Variants in CCSER1 observed in about 807,000 individuals in gnomAD.
CCSER1 encodes the protein serine-rich coiled-coil domain-containing protein 1.
A neutral mutation model predicts 82.0 loss-of-function variants in CCSER1; 41 were observed. That is an observed-to-expected ratio of 0.50 (90% CI 0.39 to 0.65). The LOEUF is 0.65. Among genes scored for constraint, CCSER1 ranks in the 30% least tolerant of loss-of-function variants. The pLI is 0.00. For synonymous variants in CCSER1, 414 were observed against 383.9 expected (o/e 1.08, Z -0.92); for missense variants, 1,119 against 1,064.2 (o/e 1.05, Z -0.72).
chr4:90,371,961 AAAT>A (rs552679758), intron 3 of CCSER1, among the ~76,000 whole-genome samples: 3 of 152,212 alleles, frequency 2.0e-5, no homozygotes, highest in Non-Finnish European at 4.4e-5. Flanking sequence ...GAAAATATGA[AAAT>A]AAATTACAAA....
intron 6 of CCSER1, among the ~76,000 whole-genome samples, chr4:90,702,705 G>A (rs1417337210): frequency 1.3e-5 from 2 of 152,060 alleles, no homozygotes; most frequent in Non-Finnish European, 2.9e-5. Flanking sequence ...TCTTGGGAGG[G>A]TGTATGTGTC....
At position 90,654,931 on chromosome 4, in the gene CCSER1, T is replaced by C. The variant is rs191869468; in HGVS notation, c.1932+26699T>C. On this transcript the variant is annotated intron_variant, in intron 6 of 10. Coordinates refer to ENST00000509176, the MANE Select transcript of CCSER1 (RefSeq NM_001145065.2). ...TGATTATTGTCATCAGAAATTTTAA[T>C]TTCAGTAAAGAAAACAGTGCAGTTA... Among the ~76,000 whole-genome samples, 905 of 152,192 alleles carry C rather than the reference T, an allele frequency of 5.9e-3. 3 individuals carry two copies. Among genetic ancestry groups the C allele is most frequent in the Non-Finnish European group, 0.01 (703 of 67,942 alleles).
intron 5 of CCSER1, among the ~76,000 whole-genome samples, chr4:90,492,975 G>A (rs1768310242): frequency 6.6e-6 from 1 of 152,070 alleles, no homozygotes; most frequent in Non-Finnish European, 1.5e-5. Context: ...CGAGCTAAAG[G>A]AGGAAGTTCG....
chr4:91,572,814 A>T (rs999749119), intron 10 of CCSER1, among the ~76,000 whole-genome samples: 9 of 151,914 alleles, frequency 5.9e-5, no homozygotes, highest in Non-Finnish European at 1.5e-5. Flanking sequence ...ATCTATAAAA[A>T]AAAAAAAAAA....
intron 3 of CCSER1, among the ~76,000 whole-genome samples, chr4:90,374,400 C>T (rs544686540): frequency 6.6e-6 from 1 of 152,238 alleles, no homozygotes; most frequent in African/African-American, 2.4e-5. Context: ...AAATTCGCCT[C>T]CTTTTTTGGG....
chr4:90,784,589 C>G (rs1003335603), intron 7 of CCSER1, among the ~76,000 whole-genome samples: 2 of 152,120 alleles, frequency 1.3e-5, no homozygotes, highest in African/African-American at 2.4e-5. Context: ...TACTTCCACA[C>G]CCTACTGAAA....
chr4:91,427,104 T>C (rs1426848200), intron 10 of CCSER1, among the ~76,000 whole-genome samples: 1 of 152,146 alleles, frequency 6.6e-6, no homozygotes, highest in Non-Finnish European at 1.5e-5. Flanking sequence ...ACCATCTTCA[T>C]TCAAATGGAA....
At chr4:90,694,008 A>T (rs1417806475) in intron 6 of CCSER1, among the ~76,000 whole-genome samples, 2 of 151,942 alleles carry the variant, frequency 1.3e-5, no homozygotes, top group African/African-American at 4.8e-5. Context: ...CACATGTTTA[A>T]AATTTTGTGA....
chr4:91,030,786 TC>T (rs1467675989), intron 9 of CCSER1, among the ~76,000 whole-genome samples: 6 of 150,226 alleles, frequency 4.0e-5, no homozygotes, highest in East Asian at 2.0e-4. Context: ...CTCTTTTTTT[TC>T]ATCTGTAAAT....
intron 4 of CCSER1, among the ~76,000 whole-genome samples, chr4:90,452,353 AG>A (rs1337103577): frequency 6.6e-6 from 1 of 152,182 alleles, no homozygotes; most frequent in African/African-American, 2.4e-5. Context: ...CTCTAATAGC[AG>A]AGCTTGATAT....
intron 5 of CCSER1, among the ~76,000 whole-genome samples, chr4:90,469,733 C>A (rs1172905436): frequency 1.3e-5 from 2 of 152,038 alleles, no homozygotes; most frequent in African/African-American, 4.8e-5. Context: ...GTTATATATT[C>A]TTTTCATGAA....
chr4:91,499,194 T>C (rs562807122), intron 10 of CCSER1, among the ~76,000 whole-genome samples: 5 of 152,180 alleles, frequency 3.3e-5, no homozygotes, highest in Admixed American at 6.6e-5. Context: ...ATTTAGGGAA[T>C]TGATGTTTGT....
chr4:90,655,716 GC>G (rs1283379596), intron 6 of CCSER1, among the ~76,000 whole-genome samples: 1 of 151,866 alleles, frequency 6.6e-6, no homozygotes, highest in East Asian at 1.9e-4. Context: ...TTTGATGGAT[GC>G]AAAAATATAG....
chr4:90,411,651 C>T (rs1002319580), intron 4 of CCSER1, among the ~76,000 whole-genome samples: 4 of 152,052 alleles, frequency 2.6e-5, no homozygotes, highest in African/African-American at 9.7e-5. Flanking sequence ...TATGACAAAC[C>T]CACAGCCAAT....
At chr4:91,301,752 A>G (rs1242744902) in intron 10 of CCSER1, among the ~76,000 whole-genome samples, 1 of 151,928 alleles carries the variant, frequency 6.6e-6, no homozygotes, top group East Asian at 1.9e-4. Context: ...ACCAAGGTTT[A>G]GATCGTAGCA....
intron 10 of CCSER1, among the ~76,000 whole-genome samples, chr4:91,330,106 G>A (rs974869356): frequency 1.3e-5 from 2 of 151,986 alleles, no homozygotes; most frequent in Non-Finnish European, 2.9e-5. Flanking sequence ...TTCTTCAAGT[G>A]TATTTTACTT....
intron 8 of CCSER1, among the ~76,000 whole-genome samples, chr4:90,915,922 A>C (rs1035324738): frequency 4.6e-5 from 7 of 152,094 alleles, no homozygotes; most frequent in African/African-American, 1.7e-4. Flanking sequence ...CAATTGCTTC[A>C]AAGAGAATAA....
intron 10 of CCSER1, among the ~76,000 whole-genome samples, chr4:91,519,848 T>C (rs760306740): frequency 6.6e-6 from 1 of 152,186 alleles, no homozygotes; most frequent in Non-Finnish European, 1.5e-5. Context: ...GATGTTTCAG[T>C]TGAAGATTTA....
chr4:90,717,272 A>G (rs62314444), intron 6 of CCSER1, among the ~76,000 whole-genome samples: 12,926 of 152,194 alleles, frequency 0.085, 602 homozygotes, highest in Admixed American at 0.12. Context: ...TCACTCCCCA[A>G]TGGAAAACCA....
Sources: allele counts gnomAD v4.1 joint callset (sites outside exome capture counted in the v4.1 genomes callset), GRCh38; gene constraint gnomAD v4.1.1; transcripts MANE v1.5; gene names NCBI Gene and HGNC (gene_info 2026-07-23, HGNC 2026-07-21).